The following COG5 variants were observed in gnomAD, a reference collection of about 807,000 sequenced individuals.
The protein encoded by COG5 is conserved oligomeric Golgi complex subunit 5.
A neutral mutation model predicts 110.4 loss-of-function variants in COG5; 86 were observed. The ratio of observed to expected loss-of-function variants is 0.78; its 90% confidence interval spans 0.65 to 0.93. The LOEUF (loss-of-function observed/expected upper bound fraction) is 0.93, where lower values mean the gene tolerates loss of function less well. Among genes scored for constraint, COG5 ranks in the 40% least tolerant of loss-of-function variants. The pLI, the probability that COG5 is intolerant of heterozygous loss-of-function variation, is 0.00. For missense variants in COG5, 1,077 were observed against 987.0 expected, an observed-to-expected ratio of 1.09 and a Z score of -1.22; for synonymous variants, 360 against 334.6, an observed-to-expected ratio of 1.08 and a Z score of -0.83.
intron 6 of COG5, chr7:107,449,962 A>C (rs986181549): frequency 1.3e-5 from 2 of 152,220 alleles, no homozygotes; most frequent in African/African-American, 4.8e-5. Flanking sequence ...AAAAGAAGGT[A>C]AAGGATCTAA....
chr7:107,214,786 G>C (rs1326798567), intron 19 of COG5, among the ~76,000 whole-genome samples: 2 of 145,206 alleles, frequency 1.4e-5, no homozygotes, highest in Admixed American at 1.3e-4. Flanking sequence ...GCCAGGCATG[G>C]TGGTGTACAC....
chr7:107,516,234 T>C (rs1302010011), intron 6 of COG5, among the ~76,000 whole-genome samples: 5 of 152,214 alleles, frequency 3.3e-5, no homozygotes, highest in African/African-American at 1.2e-4. Flanking sequence ...CCTAACGATG[T>C]TGAGCATGTT....
chr7:107,526,428 A>G (rs1399250808), intron 6 of COG5, among the ~76,000 whole-genome samples: 2 of 152,272 alleles, frequency 1.3e-5, no homozygotes, highest in African/African-American at 4.8e-5. Flanking sequence ...AACCATGAAC[A>G]TTAAACTCTT....
chr7:107,333,508 T>C (rs983565947), intron 10 of COG5, among the ~76,000 whole-genome samples: 3 of 152,138 alleles, frequency 2.0e-5, no homozygotes, highest in Admixed American at 6.5e-5. Context: ...GAAAAAAATA[T>C]TTATAATGCA....
intron 19 of COG5, among the ~76,000 whole-genome samples, chr7:107,212,008 C>T (rs189916680): frequency 2.0e-5 from 3 of 152,294 alleles, no homozygotes; most frequent in Admixed American, 6.5e-5. Context: ...CCATGTAAAA[C>T]GGCACTGTAT....
chr7:107,411,615 C>T (rs1389413000), intron 7 of COG5, among the ~76,000 whole-genome samples: 4 of 151,908 alleles, frequency 2.6e-5, no homozygotes, highest in African/African-American at 4.8e-5. Context: ...TATGATTTGT[C>T]CACTTTTCAT....
chr7:107,347,055 A>G (rs1350416200), intron 10 of COG5, among the ~76,000 whole-genome samples: 1 of 152,216 alleles, frequency 6.6e-6, no homozygotes, highest in Non-Finnish European at 1.5e-5. Context: ...ATTTTCACAT[A>G]TATTATATAC....
intron 7 of COG5, among the ~76,000 whole-genome samples, chr7:107,382,813 A>G (rs1274189248): frequency 1.3e-5 from 2 of 152,164 alleles, no homozygotes; most frequent in Non-Finnish European, 2.9e-5. Flanking sequence ...CAGAGAAGTT[A>G]TGTTTCAAAA....
chr7:107,336,656 T>C (rs1247123153), intron 10 of COG5, among the ~76,000 whole-genome samples: 1 of 152,232 alleles, frequency 6.6e-6, no homozygotes, highest in Non-Finnish European at 1.5e-5. Flanking sequence ...AAAATATGTA[T>C]ATCTATTACA....
chr7:107,294,475 A>G (rs1175482228), intron 12 of COG5, among the ~76,000 whole-genome samples: 1 of 152,128 alleles, frequency 6.6e-6, no homozygotes, highest in Non-Finnish European at 1.5e-5. Flanking sequence ...TTGTCTACAT[A>G]GCAGTCAGAG....
chr7:107,447,070 T>C lies in COG5; in HGVS notation c.539-34438A>G, dbSNP rs1207097587. 4.6e-5 allele frequency among the ~76,000 whole-genome samples: 7 copies of C among 152,334 alleles called. No individual in the cohort carries two copies. In the East Asian group the frequency reaches 1.2e-3, roughly 25 times the overall value. On this transcript the variant is annotated intron_variant, in intron 6 of 21. Coordinates refer to ENST00000297135, the MANE Select transcript of COG5 (RefSeq NM_006348.5). ...ACTGCTTCCAGATTCAGCCAGGTTTTTGACAAGGTTCAGTTCCTTGTAGTT... is the reference window on the plus strand; with the variant it reads ...ACTGCTTCCAGATTCAGCCAGGTTTCTGACAAGGTTCAGTTCCTTGTAGTT...
At chr7:107,378,602 C>A (rs1284562418) in intron 7 of COG5, among the ~76,000 whole-genome samples, 1 of 152,118 alleles carries the variant, frequency 6.6e-6, no homozygotes. Flanking sequence ...AGCTGAAAAA[C>A]ACAGCACGAG....
Position 107,208,815 on chromosome 7 carries a change from G to C in COG5, c.2375+1711C>G, listed in dbSNP as rs575084577. 3 of 985,482 alleles carry C rather than the reference G, an allele frequency of 3.0e-6. No individual in the cohort carries two copies. The East Asian group carries it at 3.4e-4, about 112-fold the overall frequency. The allele number at this position is 985,482 out of a possible 1,614,324, so 61.0% of individuals were successfully genotyped here. On this transcript the variant is annotated intron_variant, in intron 21 of 21. Transcript: ENST00000297135. ...TGTGGGTACCAAGCTTGAGGGCTCA[G>C]GGTCACTTCTGGAAACAAAGCTGAC...
chr7:107,459,954 A>G (rs1795887912), intron 6 of COG5, among the ~76,000 whole-genome samples: 1 of 152,220 alleles, frequency 6.6e-6, no homozygotes, highest in Non-Finnish European at 1.5e-5. Flanking sequence ...ACACAGCACA[A>G]TCACCAAGAT....
intron 14 of COG5, among the ~76,000 whole-genome samples, chr7:107,261,826 G>T (rs1442883356): frequency 6.6e-6 from 1 of 151,226 alleles, no homozygotes; most frequent in East Asian, 1.9e-4. Flanking sequence ...CTTTCCCTTT[G>T]ATTTTACTTA....
At chr7:107,361,334 TG>T (rs1284512055) in intron 10 of COG5, among the ~76,000 whole-genome samples, 1 of 152,170 alleles carries the variant, frequency 6.6e-6, no homozygotes, top group Non-Finnish European at 1.5e-5. Context: ...AAGTACTTTA[TG>T]GGAAAAATCA....
chr7:107,481,304 GA>G (rs1426380085), intron 6 of COG5, among the ~76,000 whole-genome samples: 1 of 152,088 alleles, frequency 6.6e-6, no homozygotes, highest in East Asian at 1.9e-4. Context: ...AGGTTATGGG[GA>G]AACTGCTTTT....
intron 17 of COG5, among the ~76,000 whole-genome samples, chr7:107,245,838 T>A (rs943209673): frequency 3.9e-5 from 6 of 152,182 alleles, no homozygotes; most frequent in African/African-American, 1.4e-4. Context: ...ACCAATGATA[T>A]TCTTCACAGA....
intron 6 of COG5, among the ~76,000 whole-genome samples, chr7:107,524,377 G>A (rs1468561462): frequency 1.3e-5 from 2 of 152,148 alleles, no homozygotes; most frequent in African/African-American, 4.8e-5. Context: ...AACCTTTCAA[G>A]TTTGAAACAT....
Sources: allele counts gnomAD v4.1 joint callset (sites outside exome capture counted in the v4.1 genomes callset), GRCh38; gene constraint gnomAD v4.1.1; transcripts MANE v1.5; gene names NCBI Gene and HGNC (gene_info 2026-07-23, HGNC 2026-07-21).